The following HCRTR2 variants were observed in gnomAD, a reference collection of about 807,000 sequenced individuals.
The protein encoded by HCRTR2 is orexin receptor type 2.
Under a neutral mutation model 49.0 loss-of-function variants are expected in HCRTR2, and 22 were observed. The observed-to-expected ratio is 0.45, with a 90% CI of 0.32 to 0.64. HCRTR2 has a LOEUF of 0.64. Among genes scored for constraint, HCRTR2 ranks in the 30% least tolerant of loss-of-function variants. The probability of loss-of-function intolerance (pLI) is 0.04; values close to 1 mark genes in which losing one functional copy is unlikely to be tolerated. For synonymous variants in HCRTR2, 236 were observed against 205.3 expected, an observed-to-expected ratio of 1.15 and a Z score of -1.28; for missense variants, 491 against 559.4, an observed-to-expected ratio of 0.88 and a Z score of 1.23.
chr6:55,156,349 A>G (rs1375507196), intron 1 of HCRTR2, among the ~76,000 whole-genome samples: 1 of 152,058 alleles, frequency 6.6e-6, no homozygotes, highest in East Asian at 1.9e-4. Flanking sequence ...AAAACTTATA[A>G]AGAACACATA....
intron 1 of HCRTR2, among the ~76,000 whole-genome samples, chr6:55,234,064 G>C (rs1766168091): frequency 6.6e-6 from 1 of 152,084 alleles, no homozygotes; most frequent in Non-Finnish European, 1.5e-5. Context: ...GTTGTTTTCA[G>C]CCTTCATCTA....
At chr6:55,248,839 T>A (rs200599249) in intron 2 of HCRTR2, 22 bp downstream of exon 2, 83 of 1,598,794 alleles carry the variant, frequency 5.2e-5, no homozygotes, top group Admixed American at 1.0e-4. Context: ...TAATGCTTTT[T>A]TGAAGCTACT....
intron 1 of HCRTR2, among the ~76,000 whole-genome samples, chr6:55,240,357 CAAAAAAAAA>C (rs1167981530): frequency 8.7e-5 from 4 of 46,016 alleles, no homozygotes; most frequent in South Asian, 1.1e-3. Flanking sequence ...GACTCCAGCT[CAAAAAAAAA>C]AAAAAAAAAA....
intron 6 of HCRTR2, 77 bp from the exon 7 acceptor site, chr6:55,282,148 C>A (rs987341076): frequency 1.9e-6 from 2 of 1,057,794 alleles, no homozygotes; most frequent in African/African-American, 3.1e-5. Flanking sequence ...AAGGGAGCAA[C>A]TCAGTTGTAC....
intron 1 of HCRTR2, among the ~76,000 whole-genome samples, chr6:55,197,348 A>G (rs1324485120): frequency 6.6e-6 from 1 of 152,060 alleles, no homozygotes; most frequent in African/African-American, 2.4e-5. Context: ...TCAGAACACA[A>G]ATTCCAATTC....
intron 1 of HCRTR2, among the ~76,000 whole-genome samples, chr6:55,175,168 G>C (rs983301792): frequency 2.0e-5 from 3 of 151,928 alleles, no homozygotes; most frequent in Non-Finnish European, 2.9e-5. Context: ...TCATCCCTTT[G>C]TGTAACGTGG....
chr6:55,280,540 G>A, intron 6 of HCRTR2, 96 bp downstream of exon 6: 2 of 1,543,826 alleles, frequency 1.3e-6, no homozygotes, highest in East Asian at 2.3e-5. Flanking sequence ...TAGTTGCTAT[G>A]TGAGTTGTAT....
At chr6:55,120,454 G>A (rs927771299) in intron 1 of HCRTR2, among the ~76,000 whole-genome samples, 21 of 151,944 alleles carry the variant, frequency 1.4e-4, no homozygotes, top group South Asian at 6.2e-4. Flanking sequence ...TGCAGTTCTC[G>A]TTGAAGAAGT....
intron 1 of HCRTR2, among the ~76,000 whole-genome samples, chr6:55,192,413 G>GCACACA (rs1554171107): frequency 0.015 from 1,991 of 128,486 alleles, 25 homozygotes; most frequent in South Asian, 0.037. Context: ...GCGCGCGCGC[G>GCACACA]CACACACACA....
chr6:55,228,270 TACAC>T (rs1766049828), intron 1 of HCRTR2, among the ~76,000 whole-genome samples: 1 of 152,088 alleles, frequency 6.6e-6, no homozygotes, highest in East Asian at 1.9e-4. Flanking sequence ...TAATAAGACT[TACAC>T]AACAAAGAAT....
At chr6:55,136,937 G>A (rs1561983311) in intron 1 of HCRTR2, among the ~76,000 whole-genome samples, 1 of 152,140 alleles carries the variant, frequency 6.6e-6, no homozygotes, top group South Asian at 2.1e-4. Context: ...TACAGGGGTA[G>A]AGGGCATTGA....
intron 1 of HCRTR2, among the ~76,000 whole-genome samples, chr6:55,196,362 T>C (rs2127281427): frequency 6.6e-6 from 1 of 152,312 alleles, no homozygotes; most frequent in East Asian, 1.9e-4. Flanking sequence ...TCGGAGCTTT[T>C]GTGTTGGGTT....
intron 2 of HCRTR2, among the ~76,000 whole-genome samples, chr6:55,254,192 T>C (rs1255262531): frequency 6.6e-6 from 1 of 151,876 alleles, no homozygotes; most frequent in Non-Finnish European, 1.5e-5. Context: ...AAGCAAATAA[T>C]TTACTACATT....
At chr6:55,248,564 G>T in intron 1 of HCRTR2, 75 bp from the exon 2 acceptor site, 1 of 1,196,826 alleles carries the variant, frequency 8.4e-7, no homozygotes, top group Non-Finnish European at 1.2e-6. Context: ...GGACTTTATA[G>T]AAATACTGAC....
chr6:55,114,211 A>G (rs1764087215), intron 1 of HCRTR2, among the ~76,000 whole-genome samples: 1 of 151,824 alleles, frequency 6.6e-6, no homozygotes, highest in African/African-American at 2.4e-5. Context: ...AATCTCAGAA[A>G]TCACCACAAA....
At chr6:55,283,436 T>C (rs1317208155), downstream of HCRTR2, among the ~76,000 whole-genome samples, 2 of 152,162 alleles carry the variant, frequency 1.3e-5, no homozygotes, top group African/African-American at 2.4e-5. Flanking sequence ...TTTTTTTTTT[T>C]CTTCAATTTA....
At chr6:55,268,546 A>T (rs1766906464) in intron 4 of HCRTR2, among the ~76,000 whole-genome samples, 1 of 152,138 alleles carries the variant, frequency 6.6e-6, no homozygotes, top group Non-Finnish European at 1.5e-5. Flanking sequence ...AAATAATCAC[A>T]AAAAGGGAGT....
intron 1 of HCRTR2, among the ~76,000 whole-genome samples, chr6:55,113,014 A>C (rs1480188780): frequency 6.6e-6 from 1 of 152,038 alleles, no homozygotes; most frequent in African/African-American, 2.4e-5. Context: ...AGCAAACAAA[A>C]ACATAAAATG....
intron 1 of HCRTR2, among the ~76,000 whole-genome samples, chr6:55,175,045 G>C (rs1765015589): frequency 6.6e-6 from 1 of 152,140 alleles, no homozygotes; most frequent in Non-Finnish European, 1.5e-5. Flanking sequence ...GGGAAACCGC[G>C]TTTCTTTTTC....
Sources: gnomAD v4.1 joint callset for allele counts (sites outside exome capture counted in the v4.1 genomes callset) on GRCh38, gnomAD v4.1.1 for gene constraint, MANE v1.5 for transcripts, NCBI Gene and HGNC (gene_info 2026-07-23, HGNC 2026-07-21) for gene names.